The following BCOR variants were observed in gnomAD, a reference collection of about 807,000 sequenced individuals.
BCOR encodes BCL6 corepressor.
In BCOR, 10 loss-of-function variants were observed where a neutral mutation model predicts 86.7. That is an observed-to-expected ratio of 0.12 (90% confidence interval 0.07 to 0.20). The LOEUF (loss-of-function observed/expected upper bound fraction) is 0.20. BCOR is among the 10% of genes least tolerant of loss of function. BCOR has a pLI of 1.00. For missense variants in BCOR, 1,259 were observed against 1,452.1 expected (o/e 0.87, Z 2.16); for synonymous variants, 611 against 609.0 (o/e 1.00, Z -0.05).
intron 1 of BCOR, among the ~76,000 whole-genome samples, chrX:40,140,492 A>C (rs902120139): frequency 9.0e-6 from 1 of 111,120 alleles, no homozygotes; most frequent in Non-Finnish European, 1.9e-5. Flanking sequence ...ACAAACAAAA[A>C]AACCAAAAAA....
intron 1 of BCOR, among the ~76,000 whole-genome samples, chrX:40,160,291 A>AT (rs1274351888): frequency 0.011 from 1,151 of 105,002 alleles, 19 homozygotes; most frequent in African/African-American, 0.038. Context: ...AATTTTGTGT[A>AT]TTTTTTTTTT....
chrX:40,119,791 C>T (rs1421395067), intron 1 of BCOR, among the ~76,000 whole-genome samples: 2 of 110,769 alleles, frequency 1.8e-5, no homozygotes, highest in East Asian at 5.7e-4. Flanking sequence ...AGGATTTGTA[C>T]ACTTTTCTGT....
chrX:40,055,241 C>G, intron 12 of BCOR, 127 bp downstream of exon 12: 1 of 671,352 alleles, frequency 1.5e-6, no homozygotes, highest in Non-Finnish European at 2.3e-6. Flanking sequence ...TTCAAACACT[C>G]GGCTGCTCTC....
At chrX:40,085,587 T>A (rs1364571352) in intron 1 of BCOR, among the ~76,000 whole-genome samples, 1 of 108,899 alleles carries the variant, frequency 9.2e-6, no homozygotes, top group Non-Finnish European at 1.9e-5. Flanking sequence ...GGAGGGGAGG[T>A]GCTGAGGGTG....
rs765046743 is a variant in BCOR at position 40,087,366 on chromosome X, T to A, written c.-40-9397A>T. Among the ~76,000 whole-genome samples the A allele has an allele frequency of 4.4e-5, 5 of 113,383 alleles. No homozygotes were observed. The East Asian group carries it at 1.4e-3, about 31-fold the overall frequency. ...CACGCCTAATCGGTCCTTAAATAGA[T>A]TTTAATTAAATAAGCATACAAGGCT... On this transcript the variant is annotated intron_variant, in intron 1 of 14. Coordinates refer to ENST00000378444, the MANE Select transcript of BCOR (RefSeq NM_001123385.2).
chrX:40,139,298 A>G (rs1157890051), intron 1 of BCOR, among the ~76,000 whole-genome samples: 1 of 92,710 alleles, frequency 1.1e-5, no homozygotes, highest in African/African-American at 3.7e-5. Flanking sequence ...GCCTTCATAT[A>G]TGGGTGTTCA....
At chrX:40,158,133 G>T (rs1172511775) in intron 1 of BCOR, among the ~76,000 whole-genome samples, 2 of 112,350 alleles carry the variant, frequency 1.8e-5, no homozygotes, top group Non-Finnish European at 1.9e-5. Flanking sequence ...CCATCCTCCT[G>T]GCCGTCCCGA....
Position 40,051,456 on chromosome X carries a change from T to A in BCOR, c.*653A>T. 1 of 172,465 alleles carries A rather than the reference T, an allele frequency of 5.8e-6. No individual in the cohort carries two copies. Among genetic ancestry groups the A allele is most frequent in the East Asian group, 8.4e-5 (1 of 11,882 alleles). The allele number at this position is 172,465 out of a possible 1,213,427, so 14.2% of individuals were successfully genotyped here. On this transcript the variant is annotated 3_prime_UTR_variant, in exon 15 of 15. Transcript: ENST00000378444. ...ATATTTTACAGGGTACAGAAAAAAA[T>A]AGCTCAAAGTCTTCTTTAAATAAGA...
intron 1 of BCOR, among the ~76,000 whole-genome samples, chrX:40,142,589 G>A (rs1455227423): frequency 2.7e-5 from 3 of 111,602 alleles, no homozygotes; most frequent in Non-Finnish European, 5.6e-5. Context: ...TCCAGCTCCT[G>A]TGCGTGAGGG....
At chrX:40,148,005 C>G (rs1404346515) in intron 1 of BCOR, among the ~76,000 whole-genome samples, 1 of 112,132 alleles carries the variant, frequency 8.9e-6, no homozygotes, top group Non-Finnish European at 1.9e-5. Flanking sequence ...GGACTGTTCT[C>G]AGGGCGTCTA....
At chrX:40,085,473 C>T in intron 1 of BCOR, among the ~76,000 whole-genome samples, 1 of 111,815 alleles carries the variant, frequency 8.9e-6, no homozygotes, top group Admixed American at 9.4e-5. Context: ...ATTTATAGAA[C>T]TGGCACCGAA....
chrX:40,156,501 T>C (rs746450886), intron 1 of BCOR, among the ~76,000 whole-genome samples: 2 of 112,780 alleles, frequency 1.8e-5, no homozygotes, highest in Non-Finnish European at 3.8e-5. Flanking sequence ...AGCCCGAGGG[T>C]CGGGTGCTAC....
At chrX:40,103,045 T>C (rs184066846) in intron 1 of BCOR, among the ~76,000 whole-genome samples, 1,112 of 108,731 alleles carry the variant, frequency 0.01, 29 homozygotes, top group Admixed American at 0.078. Context: ...TCTCCATACC[T>C]GCGTTCCCAG....
chrX:40,065,265 G>A (rs1428196392), intron 6 of BCOR, among the ~76,000 whole-genome samples: 1 of 112,407 alleles, frequency 8.9e-6, no homozygotes, highest in African/African-American at 3.2e-5. Context: ...GCGTGGCAAA[G>A]CCAAAGGCAA....
intron 1 of BCOR, among the ~76,000 whole-genome samples, chrX:40,145,522 C>T (rs1356494322): frequency 9.0e-6 from 1 of 111,313 alleles, no homozygotes; most frequent in Non-Finnish European, 1.9e-5. Flanking sequence ...AGTCCCCGTT[C>T]AGGTCCACGT....
At chrX:40,155,860 G>T (rs959632412) in intron 1 of BCOR, among the ~76,000 whole-genome samples, 1 of 112,917 alleles carries the variant, frequency 8.9e-6, no homozygotes, top group Non-Finnish European at 1.9e-5. Flanking sequence ...GGGGAGGGGG[G>T]GCGCGCGGAG....
At chrX:40,126,557 C>A (rs56344800) in intron 1 of BCOR, among the ~76,000 whole-genome samples, 1,554 of 107,673 alleles carry the variant, frequency 0.014, 23 homozygotes, top group African/African-American at 0.049. Context: ...AGAAAAAAAA[C>A]CACGAAAACA....
chrX:40,174,406 G>C (rs902883041), intron 1 of BCOR, among the ~76,000 whole-genome samples: 2 of 112,336 alleles, frequency 1.8e-5, no homozygotes, highest in African/African-American at 6.5e-5. Flanking sequence ...CAGAATTCCA[G>C]TTCTCGAGCG....
chrX:40,100,021 A>T (rs1347503220), upstream of BCOR, among the ~76,000 whole-genome samples: 1 of 111,684 alleles, frequency 9.0e-6, no homozygotes, highest in Non-Finnish European at 1.9e-5. Context: ...CTCCGGTAAC[A>T]AGCAGAAAGA....
Sources: gnomAD v4.1 joint callset for allele counts (sites outside exome capture counted in the v4.1 genomes callset) on GRCh38, gnomAD v4.1.1 for gene constraint, MANE v1.5 for transcripts, NCBI Gene and HGNC (gene_info 2026-07-23, HGNC 2026-07-21) for gene names.